Variants in AGBL1 observed in about 807,000 individuals in gnomAD.
AGBL1 encodes cytosolic carboxypeptidase 4.
In AGBL1, 130 loss-of-function variants were observed where a neutral mutation model predicts 118.9. That is an observed-to-expected ratio of 1.09 (90% CI 0.95 to 1.26). The LOEUF (loss-of-function observed/expected upper bound fraction) is 1.26. Among genes scored for constraint, AGBL1 ranks in the 50% most tolerant of loss-of-function variants. The probability of loss-of-function intolerance (pLI) is 0.00; values close to 1 mark genes in which losing one functional copy is unlikely to be tolerated. For synonymous variants in AGBL1, 555 were observed against 478.9 expected (o/e 1.16, Z -2.08); for missense variants, 1,584 against 1,298.1 (o/e 1.22, Z -3.38).
chr15:86,938,690 C>G (rs1225645731), intron 23 of AGBL1: 1 of 151,976 alleles, frequency 6.6e-6, no homozygotes. Context: ...GAGCAGCAGC[C>G]GTAGTTCTAA....
intron 22 of AGBL1, among the ~76,000 whole-genome samples, chr15:86,901,977 CT>C (rs2080218102): frequency 6.6e-6 from 1 of 151,840 alleles, no homozygotes; most frequent in Non-Finnish European, 1.5e-5. Context: ...GTCGTTTTTC[CT>C]GGTATGCAGG....
At chr15:86,793,947 G>A (rs1458886799) in intron 22 of AGBL1, among the ~76,000 whole-genome samples, 1 of 152,138 alleles carries the variant, frequency 6.6e-6, no homozygotes, top group Non-Finnish European at 1.5e-5. Context: ...AATATGGAAA[G>A]TAACCAGCGT....
Position 86,544,588 on chromosome 15 carries a change from G to C in AGBL1, c.2686-1414G>C, listed in dbSNP as rs147069102. ...AAAGTCACATCTTACATGGCAGCAG[G>C]CAAGAGAAGGAATACAGGGGAATTC... On this transcript the variant is annotated intron_variant, in intron 19 of 22. Transcript: ENST00000614907. Among the ~76,000 whole-genome samples, 3 of 152,268 alleles carry C rather than the reference G, an allele frequency of 2.0e-5. No homozygotes were observed. In the East Asian group the frequency reaches 5.8e-4, roughly 29 times the overall value.
At chr15:86,923,437 C>T (rs1279064540) in intron 23 of AGBL1, among the ~76,000 whole-genome samples, 1 of 152,228 alleles carries the variant, frequency 6.6e-6, no homozygotes, top group Admixed American at 6.5e-5. Context: ...CACCTCCTCA[C>T]CTTTTCCTGC....
intron 17 of AGBL1, among the ~76,000 whole-genome samples, chr15:86,375,865 C>T (rs772142323): frequency 5.3e-5 from 8 of 152,156 alleles, no homozygotes; most frequent in Non-Finnish European, 1.2e-4. Context: ...TAAAGAAATG[C>T]CACTTTTGGG....
chr15:86,799,151 T>C (rs2078614869), intron 22 of AGBL1, among the ~76,000 whole-genome samples: 1 of 125,958 alleles, frequency 7.9e-6, no homozygotes, highest in Non-Finnish European at 1.8e-5. Flanking sequence ...GCAATTGTAA[T>C]TTTATTTTAT....
At chr15:86,080,945 G>C (rs558988096) in intron 1 of AGBL1, among the ~76,000 whole-genome samples, 3 of 152,098 alleles carry the variant, frequency 2.0e-5, no homozygotes, top group Non-Finnish European at 4.4e-5. Flanking sequence ...GGGCGGGGGG[G>C]GGTCCATGAC....
At chr15:86,653,449 C>T (rs983271420) in intron 21 of AGBL1, among the ~76,000 whole-genome samples, 2 of 152,146 alleles carry the variant, frequency 1.3e-5, no homozygotes, top group South Asian at 2.1e-4. Flanking sequence ...CAAATAAACA[C>T]GCCACCAATA....
intron 23 of AGBL1, among the ~76,000 whole-genome samples, chr15:86,921,908 T>C (rs2080485367): frequency 6.6e-6 from 1 of 152,140 alleles, no homozygotes; most frequent in Non-Finnish European, 1.5e-5. Context: ...ATGTTCAAGG[T>C]ATAAAGTGAG....
intron 22 of AGBL1, among the ~76,000 whole-genome samples, chr15:86,796,419 G>A (rs374271526): frequency 2.0e-5 from 3 of 152,312 alleles, no homozygotes; most frequent in East Asian, 3.9e-4. Flanking sequence ...TTGGCATCAA[G>A]CAAGTGCAAG....
At chr15:86,274,601 T>C (rs1323607040) in intron 15 of AGBL1, among the ~76,000 whole-genome samples, 1 of 152,190 alleles carries the variant, frequency 6.6e-6, no homozygotes, top group African/African-American at 2.4e-5. Context: ...ACTTCTCCCT[T>C]TGGAGACCTC....
intron 17 of AGBL1, among the ~76,000 whole-genome samples, chr15:86,347,311 C>T (rs1054587119): frequency 1.3e-5 from 2 of 152,180 alleles, no homozygotes; most frequent in African/African-American, 4.8e-5. Context: ...TCCCAGGTGG[C>T]AATTGTCTTT....
At chr15:86,166,893 A>C (rs1023400420) in intron 5 of AGBL1, among the ~76,000 whole-genome samples, 1 of 152,134 alleles carries the variant, frequency 6.6e-6, no homozygotes, top group African/African-American at 2.4e-5. Flanking sequence ...CTTTCCCCTG[A>C]TGACGGTCCT....
intron 11 of AGBL1, among the ~76,000 whole-genome samples, chr15:86,265,438 C>T (rs1250226757): frequency 1.3e-5 from 2 of 151,950 alleles, no homozygotes; most frequent in African/African-American, 2.4e-5. Context: ...ACCCATGGCT[C>T]AGCATATTGA....
chr15:86,355,138 T>C (rs2080692738), intron 17 of AGBL1, among the ~76,000 whole-genome samples: 1 of 152,232 alleles, frequency 6.6e-6, no homozygotes, highest in Admixed American at 6.5e-5. Context: ...TGGCTTCTAT[T>C]GTACAGACCT....
At chr15:86,526,273 T>C (rs1477322022) in intron 19 of AGBL1, among the ~76,000 whole-genome samples, 1 of 152,072 alleles carries the variant, frequency 6.6e-6, no homozygotes, top group African/African-American at 2.4e-5. Flanking sequence ...TGGGAATGTA[T>C]GTTAGTACAA....
intron 22 of AGBL1, among the ~76,000 whole-genome samples, chr15:86,794,648 AC>A (rs1223163270): frequency 2.0e-5 from 3 of 152,130 alleles, no homozygotes; most frequent in Admixed American, 1.3e-4. Flanking sequence ...CAAAAAAAAA[AC>A]ATGCAGGGTC....
At chr15:86,082,092 C>G (rs1567042380) in intron 1 of AGBL1, among the ~76,000 whole-genome samples, 2 of 152,216 alleles carry the variant, frequency 1.3e-5, no homozygotes, top group African/African-American at 2.4e-5. Flanking sequence ...GGTTCCTGGC[C>G]TGGCCTGCAC....
At chr15:86,852,698 A>T (rs1596552070) in intron 22 of AGBL1, among the ~76,000 whole-genome samples, 1 of 152,278 alleles carries the variant, frequency 6.6e-6, no homozygotes, top group East Asian at 1.9e-4. Flanking sequence ...GTCAACATGT[A>T]ATGGAGGGCT....
Sources: gnomAD v4.1 joint callset for allele counts (sites outside exome capture counted in the v4.1 genomes callset) on GRCh38, gnomAD v4.1.1 for gene constraint, MANE v1.5 for transcripts, NCBI Gene and HGNC (gene_info 2026-07-23, HGNC 2026-07-21) for gene names.